Variants in FSIP1 observed in about 807,000 individuals in gnomAD.
FSIP1 encodes the protein fibrous sheath-interacting protein 1.
FSIP1 carries 65 observed loss-of-function variants against 60.9 expected under a neutral mutation model. The observed-to-expected ratio is 1.07, with a 90% CI of 0.87 to 1.31. FSIP1 has a LOEUF of 1.31. Among genes scored for constraint, FSIP1 ranks in the 40% most tolerant of loss-of-function variants. FSIP1 has a pLI of 0.00. For synonymous variants in FSIP1, 209 were observed against 221.2 expected (o/e 0.94, Z 0.49); for missense variants, 675 against 665.5 (o/e 1.01, Z -0.16).
chr15:39,723,353 C>T (rs1370469221), intron 9 of FSIP1, among the ~76,000 whole-genome samples: 2 of 152,098 alleles, frequency 1.3e-5, no homozygotes, highest in Non-Finnish European at 2.9e-5. Flanking sequence ...CTCAGCCTCC[C>T]GAGTAGCTGG....
At chr15:39,696,569 C>T (rs779796512) in intron 10 of FSIP1, among the ~76,000 whole-genome samples, 4 of 152,190 alleles carry the variant, frequency 2.6e-5, no homozygotes, top group Non-Finnish European at 5.9e-5. Context: ...CAGCCAAACT[C>T]TACACATACA....
intron 8 of FSIP1, among the ~76,000 whole-genome samples, chr15:39,727,404 A>T (rs1896240193): frequency 6.6e-6 from 1 of 152,222 alleles, no homozygotes; most frequent in Admixed American, 6.5e-5. Flanking sequence ...TCTGGGCACC[A>T]TGGGAACCAG....
At chr15:39,751,074 A>G (rs77831557) in intron 5 of FSIP1, among the ~76,000 whole-genome samples, 7,659 of 152,060 alleles carry the variant, frequency 0.05, 674 homozygotes, top group Admixed American at 0.2. Flanking sequence ...CTACTGTGAG[A>G]TAACAACTTG....
intron 10 of FSIP1, among the ~76,000 whole-genome samples, chr15:39,657,747 A>T (rs1231696896): frequency 6.6e-6 from 1 of 152,186 alleles, no homozygotes; most frequent in Non-Finnish European, 1.5e-5. Flanking sequence ...TAAAAATGAA[A>T]ACAACCAAAG....
rs1308413328 is a variant in FSIP1 at position 39,776,383 on chromosome 15, T to C, written c.126+16A>G. The C allele has an allele frequency of 6.2e-7, 1 of 1,607,246 alleles. No individual in the cohort carries two copies. Among genetic ancestry groups the C allele is most frequent in the Non-Finnish European group, 8.5e-7 (1 of 1,178,064 alleles). On this transcript the variant is annotated intron_variant, in intron 2 of 11. Transcript: ENST00000350221. ...GTTGGGGAAAGGAGTTTAAATCTTT[T>C]CTAAACGTAAATTACCTTGAAGGAT...
At chr15:39,749,985 C>T (rs1428165917) in intron 5 of FSIP1, among the ~76,000 whole-genome samples, 1 of 151,694 alleles carries the variant, frequency 6.6e-6, no homozygotes, top group Non-Finnish European at 1.5e-5. Flanking sequence ...ACAAAATCAA[C>T]ATATGAAAAT....
chr15:39,742,533 G>A (rs1184520264), intron 5 of FSIP1, among the ~76,000 whole-genome samples: 8 of 152,106 alleles, frequency 5.3e-5, no homozygotes, highest in Admixed American at 6.6e-5. Context: ...TAACATAAAC[G>A]TTTTATTAAA....
chr15:39,622,460 G>T lies in FSIP1; in HGVS notation c.1189-4215C>A, dbSNP rs929713518. On this transcript the variant is annotated intron_variant, in intron 10 of 11. Transcript: ENST00000350221. ...TCTATTGGATTTTTCATCAGGAAAA[G>T]AATAGAATACACATGCAGTTTTAGT... 2.0e-5 allele frequency among the ~76,000 whole-genome samples: 3 copies of T among 152,102 alleles called. No homozygotes were observed. The South Asian group carries it at 6.2e-4, about 32-fold the overall frequency.
Position 39,649,672 on chromosome 15 carries a change from T to C in FSIP1, c.1189-31427A>G, listed in dbSNP as rs1343381073. On this transcript the variant is annotated intron_variant, in intron 10 of 11. Transcript: ENST00000350221. ...CTGACTCTACACCACTCTCAGGCTA[T>C]TCTTCCCAGACACTTTTTCTACTCT... is the stretch of plus-strand genomic sequence containing the variant. 2.6e-5 allele frequency among the ~76,000 whole-genome samples: 4 copies of C among 152,192 alleles called. No individual in the cohort carries two copies. The South Asian group carries it at 6.2e-4, about 24-fold the overall frequency.
chr15:39,626,270 T>C (rs558873292), intron 10 of FSIP1, among the ~76,000 whole-genome samples: 2 of 152,298 alleles, frequency 1.3e-5, no homozygotes, highest in African/African-American at 4.8e-5. Context: ...CAGAACTCTG[T>C]CTCTGGGATC....
At chr15:39,636,133 C>T in intron 10 of FSIP1, among the ~76,000 whole-genome samples, 1 of 152,182 alleles carries the variant, frequency 6.6e-6, no homozygotes, top group Non-Finnish European at 1.5e-5. Flanking sequence ...TTTCTAGCAG[C>T]TCATTGGTGC....
intron 11 of FSIP1, among the ~76,000 whole-genome samples, chr15:39,608,448 T>C (rs1890906328): frequency 1.3e-5 from 2 of 152,224 alleles, no homozygotes; most frequent in Admixed American, 1.3e-4. Context: ...ATGGACTCCA[T>C]GGGAATGAGA....
chr15:39,776,533 T>C lies in FSIP1; in HGVS notation c.-7-2A>G. 6.3e-7 allele frequency: 1 copy of C among 1,596,648 alleles called. No individual in the cohort carries two copies. The highest frequency in any genetic ancestry group is 1.1e-5 in the South Asian group (1 of 88,540). Reference sequence around the variant, plus strand: ...CCCTTTATAATATCCATTGAAATCCTGAAACAACAAATAAAATATTTAATA... The same window carrying C: ...CCCTTTATAATATCCATTGAAATCCCGAAACAACAAATAAAATATTTAATA... On this transcript the variant is annotated splice_acceptor_variant, in intron 1 of 11. Coordinates refer to ENST00000350221, the MANE Select transcript of FSIP1 (RefSeq NM_152597.5). LOFTEE classifies it low-confidence loss of function (5UTR_SPLICE).
At chr15:39,770,186 A>G (rs1018377021) in intron 3 of FSIP1, among the ~76,000 whole-genome samples, 1 of 152,210 alleles carries the variant, frequency 6.6e-6, no homozygotes, top group Non-Finnish European at 1.5e-5. Flanking sequence ...ATTAATGCAC[A>G]ATGACCACAA....
intron 10 of FSIP1, among the ~76,000 whole-genome samples, chr15:39,712,902 A>AAAGT (rs10678833): frequency 0.23 from 34,274 of 151,790 alleles, 4,872 homozygotes; most frequent in African/African-American, 0.39. Flanking sequence ...TTACAAACAA[A>AAAGT]AAGAGAATTT....
At chr15:39,705,027 T>G (rs1298855889) in intron 10 of FSIP1, among the ~76,000 whole-genome samples, 1 of 151,916 alleles carries the variant, frequency 6.6e-6, no homozygotes, top group Admixed American at 6.6e-5. Flanking sequence ...ATGAAGAAAA[T>G]GAATGAAGTT....
chr15:39,618,792 T>G (rs1891336770), intron 10 of FSIP1, among the ~76,000 whole-genome samples: 2 of 152,226 alleles, frequency 1.3e-5, no homozygotes, highest in Admixed American at 1.3e-4. Flanking sequence ...AAAAACATTT[T>G]TTTTCTTTCA....
intron 10 of FSIP1, among the ~76,000 whole-genome samples, chr15:39,700,616 A>T (rs1193296718): frequency 6.6e-6 from 1 of 152,188 alleles, no homozygotes; most frequent in East Asian, 1.9e-4. Flanking sequence ...CTCCAGAGAA[A>T]ATTACTACAA....
At chr15:39,728,058 A>G (rs1896264853) in intron 8 of FSIP1, among the ~76,000 whole-genome samples, 1 of 152,170 alleles carries the variant, frequency 6.6e-6, no homozygotes, top group Non-Finnish European at 1.5e-5. Context: ...AGAGCAAAAT[A>G]CCTAGGAATA....
Sources: allele counts gnomAD v4.1 joint callset (sites outside exome capture counted in the v4.1 genomes callset), GRCh38; gene constraint gnomAD v4.1.1; transcripts MANE v1.5; gene names NCBI Gene and HGNC (gene_info 2026-07-23, HGNC 2026-07-21).